The following SLC9A9 variants were observed in gnomAD, a reference collection of about 807,000 sequenced individuals.
The protein encoded by SLC9A9 is sodium/hydrogen exchanger 9.
A neutral mutation model predicts 77.8 loss-of-function variants in SLC9A9; 62 were observed. The observed-to-expected ratio is 0.80, with a 90% CI of 0.65 to 0.98. The LOEUF (loss-of-function observed/expected upper bound fraction) is 0.98. Among genes scored for constraint, SLC9A9 ranks in the 50% least tolerant of loss-of-function variants. The probability of loss-of-function intolerance (pLI) is 0.00; values close to 1 mark genes in which losing one functional copy is unlikely to be tolerated. For missense variants in SLC9A9, 775 were observed against 774.9 expected, an observed-to-expected ratio of 1.00 and a Z score of 0.00; for synonymous variants, 320 against 283.5, an observed-to-expected ratio of 1.13 and a Z score of -1.29.
At chr3:143,674,607 G>A (rs1297256163) in intron 5 of SLC9A9, among the ~76,000 whole-genome samples, 1 of 152,070 alleles carries the variant, frequency 6.6e-6, no homozygotes, top group Admixed American at 6.5e-5. Context: ...GGGCAAGGGA[G>A]ACAAACAAGA....
chr3:143,587,406 G>A (rs1391564659), intron 6 of SLC9A9, among the ~76,000 whole-genome samples: 1 of 152,360 alleles, frequency 6.6e-6, no homozygotes, highest in African/African-American at 2.4e-5. Flanking sequence ...GGGATGGTCA[G>A]GGAAGGCTTC....
intron 10 of SLC9A9, 114 bp downstream of exon 10, chr3:143,495,221 G>A: frequency 2.3e-6 from 2 of 863,236 alleles, no homozygotes; most frequent in Admixed American, 2.0e-5. Flanking sequence ...CCTTGTGTCT[G>A]AGCCTTGCAG....
rs573702375 is a variant in SLC9A9, at chr3:143,391,816, G to A, written c.1470-9702C>T. ...CTATGGGACGAATGCACAAGCTTCA[G>A]TAGCCGATTTGATCAACTGGAAGAA... is the stretch of plus-strand genomic sequence containing the variant. On this transcript the variant is annotated intron_variant, in intron 12 of 15. Transcript: ENST00000316549. Among the ~76,000 whole-genome samples, 25 of 152,306 alleles carry A rather than the reference G, an allele frequency of 1.6e-4. No homozygotes were observed. The East Asian group carries it at 3.9e-3, about 23-fold the overall frequency.
intron 12 of SLC9A9, among the ~76,000 whole-genome samples, chr3:143,444,164 C>T (rs2034801827): frequency 6.6e-6 from 1 of 152,204 alleles, no homozygotes; most frequent in Admixed American, 6.5e-5. Context: ...TCAGCTTCAA[C>T]TGCATTTATA....
intron 6 of SLC9A9, among the ~76,000 whole-genome samples, chr3:143,603,450 T>TG (rs5853116): frequency 0.62 from 94,094 of 152,070 alleles, 29,501 homozygotes; most frequent in African/African-American, 0.73. Context: ...GAATCCATTT[T>TG]GTTGCTCTTT....
At chr3:143,377,641 T>C (rs2033210439) in intron 13 of SLC9A9, among the ~76,000 whole-genome samples, 1 of 152,158 alleles carries the variant, frequency 6.6e-6, no homozygotes, top group African/African-American at 2.4e-5. Context: ...ACAAGCATAG[T>C]GTTAGAAAAT....
chr3:143,313,482 C>T (rs2108439467), intron 14 of SLC9A9, among the ~76,000 whole-genome samples: 1 of 152,322 alleles, frequency 6.6e-6, no homozygotes, highest in South Asian at 2.1e-4. Flanking sequence ...CTGGCAGCCA[C>T]AATGGCCAGA....
rs78202099 is a variant in SLC9A9, at chr3:143,578,229, G to C, written c.894+356C>G. Among the ~76,000 whole-genome samples, 329 of 152,238 alleles carry C rather than the reference G, an allele frequency of 2.2e-3. 8 individuals are homozygous for C. The East Asian group carries it at 0.032, about 15-fold the overall frequency. The stretch of plus-strand genomic sequence containing the variant: ...ACCCTTAATCAATTGTCTTATTCTT[G>C]ACCCTGGATCTTCAGTTCTTCCTCT... On this transcript the variant is annotated intron_variant, in intron 7 of 15. Coordinates refer to ENST00000316549, the MANE Select transcript of SLC9A9 (RefSeq NM_173653.4).
chr3:143,742,175 G>C (rs149880290), intron 4 of SLC9A9, among the ~76,000 whole-genome samples: 180 of 152,036 alleles, frequency 1.2e-3, no homozygotes, highest in African/African-American at 4.1e-3. Flanking sequence ...TGATCTTGGG[G>C]CCCTACCCAG....
At position 143,515,808 on chromosome 3, in the gene SLC9A9, C is replaced by G. The variant is rs531669782; in HGVS notation, c.1090-20360G>C. Among the ~76,000 whole-genome samples, 4 of 152,182 alleles carry G rather than the reference C, an allele frequency of 2.6e-5. No individual in the cohort carries two copies. The South Asian group carries it at 6.2e-4, about 24-fold the overall frequency. Reference sequence around the variant, plus strand: ...TTGATTGTTTACAACCTTTATATCTCTGTTTACGAGATTGGCATATATTTT... The same window carrying G: ...TTGATTGTTTACAACCTTTATATCTGTGTTTACGAGATTGGCATATATTTT... On this transcript the variant is annotated intron_variant, in intron 9 of 15. Transcript: ENST00000316549.
intron 14 of SLC9A9, among the ~76,000 whole-genome samples, chr3:143,292,704 T>G (rs1341665097): frequency 1.3e-5 from 2 of 152,118 alleles, no homozygotes; most frequent in Non-Finnish European, 2.9e-5. Context: ...TATGCAAACA[T>G]GTATTATACT....
In SLC9A9 at chr3:143,574,106, C is replaced by T. The variant is rs765020335; in HGVS notation, c.982G>A (p.Glu328Lys). The T allele has an allele frequency of 5.6e-6, 9 of 1,613,296 alleles. No individual in the cohort carries two copies. The highest frequency in any genetic ancestry group is 1.7e-5 in the Admixed American group (1 of 59,992). Residue 328 changes from glutamate to lysine, a missense_variant, in exon 8 of 16, where the codon GAG becomes AAG. By Grantham distance (56) the Glu-to-Lys change is moderately conservative. Transcript: ENST00000316549. ...LLSWSAFLSA[E>K]AAGLTGIVAV... ...CACTGACCTGTTAGGCCGGCAGCCT[C>T]GGCAGACAGGAAGGCACTCCAAGAA...
intron 5 of SLC9A9, among the ~76,000 whole-genome samples, chr3:143,659,191 A>G (rs1174347285): frequency 6.6e-6 from 1 of 152,178 alleles, no homozygotes; most frequent in East Asian, 1.9e-4. Flanking sequence ...TTATCTACAA[A>G]TCATGAAAAA....
At chr3:143,744,664 A>G (rs1935163335) in intron 4 of SLC9A9, among the ~76,000 whole-genome samples, 3 of 152,208 alleles carry the variant, frequency 2.0e-5, no homozygotes, top group Non-Finnish European at 2.9e-5. Flanking sequence ...TGGTTTTAAC[A>G]GGCTTCAAAA....
At chr3:143,763,862 A>AT (rs764610566) in intron 4 of SLC9A9, among the ~76,000 whole-genome samples, 1 of 151,876 alleles carries the variant, frequency 6.6e-6, no homozygotes, top group African/African-American at 2.4e-5. Context: ...AAGACAAATA[A>AT]TTTTTTTTCT....
At chr3:143,438,424 G>T (rs999923617) in intron 12 of SLC9A9, among the ~76,000 whole-genome samples, 1 of 120,884 alleles carries the variant, frequency 8.3e-6, no homozygotes, top group Non-Finnish European at 1.9e-5. Context: ...TCTCCCTGGC[G>T]TGTGTGTGTG....
In SLC9A9 at chr3:143,517,599, A is replaced by G. The variant is rs531194357; in HGVS notation, c.1090-22151T>C. 8.1e-6 allele frequency: 13 copies of G among 1,597,430 alleles called. No individual in the cohort carries two copies. In the African/African-American group the frequency reaches 1.6e-4, roughly 20 times the overall value. ...GCACTAGCATCTTCATCATAATCCA[A>G]TTTACAGGCAAGGGCAAGATCATGG... On this transcript the variant is annotated intron_variant, in intron 9 of 15. Transcript: ENST00000316549.
At chr3:143,709,918 G>A (rs113778359) in intron 4 of SLC9A9, among the ~76,000 whole-genome samples, 10 of 152,242 alleles carry the variant, frequency 6.6e-5, no homozygotes, top group African/African-American at 2.4e-4. Flanking sequence ...AACCTTCCCC[G>A]ACAGTAGAGA....
chr3:143,800,949 C>G (rs540742519), intron 2 of SLC9A9, among the ~76,000 whole-genome samples: 1 of 152,258 alleles, frequency 6.6e-6, no homozygotes, highest in East Asian at 1.9e-4. Flanking sequence ...TCTCTCAAAC[C>G]CCAACACCTT....
Sources: gnomAD v4.1 joint callset for allele counts (sites outside exome capture counted in the v4.1 genomes callset) on GRCh38, gnomAD v4.1.1 for gene constraint, MANE v1.5 for transcripts, NCBI Gene and HGNC (gene_info 2026-07-23, HGNC 2026-07-21) for gene names.